ASB1: variants seen among roughly 807,000 people sequenced by gnomAD.
ASB1 encodes ankyrin repeat and SOCS box containing 1, also known as ankyrin repeat and SOCS box protein 1.
A neutral mutation model predicts 27.7 loss-of-function variants in ASB1; 18 were observed. The ratio of observed to expected loss-of-function variants is 0.65; its 90% CI spans 0.45 to 0.96. The LOEUF is 0.96. Ranked by LOEUF, ASB1 falls within the 50% of genes least tolerant of loss-of-function variation. ASB1 has a pLI of 0.00. For missense variants in ASB1, 397 were observed against 451.7 expected, an observed-to-expected ratio of 0.88 and a Z score of 1.10; for synonymous variants, 189 against 187.6, an observed-to-expected ratio of 1.01 and a Z score of -0.06.
intron 1 of ASB1, among the ~76,000 whole-genome samples, chr2:238,432,332 C>G (rs894634099): frequency 6.6e-6 from 1 of 152,204 alleles, no homozygotes; most frequent in African/African-American, 2.4e-5. Context: ...ATTATTGAAT[C>G]TTTTAATCCA....
intron 3 of ASB1, among the ~76,000 whole-genome samples, chr2:238,440,335 T>G (rs1702054884): frequency 6.6e-6 from 1 of 152,230 alleles, no homozygotes; most frequent in African/African-American, 2.4e-5. Context: ...CATTTCTGTT[T>G]ATATTTCTTT....
chr2:238,427,322 C>T (rs1407693290), intron 1 of ASB1: 8 of 380,280 alleles, frequency 2.1e-5, no homozygotes, highest in Admixed American at 1.4e-4. Context: ...GCTGCCCTCT[C>T]CTCGGCCTCG....
intron 1 of ASB1, among the ~76,000 whole-genome samples, chr2:238,432,992 C>T (rs577086651): frequency 1.2e-4 from 19 of 152,202 alleles, no homozygotes; most frequent in South Asian, 8.3e-4. Flanking sequence ...GTGATCTGCC[C>T]GCCTCGGCCT....
rs1702294546 is a variant in ASB1, at chr2:238,451,953, A to G, written c.*5442A>G. 1 of 152,208 alleles carries G rather than the reference A, an allele frequency of 6.6e-6. No homozygotes were observed. The highest frequency in any genetic ancestry group is 1.5e-5 in the Non-Finnish European group (1 of 68,026). The allele number at this position is 152,208 out of a possible 1,614,324, so 9.4% of individuals were successfully genotyped here. A position where few individuals can be genotyped will look rare whatever the true frequency, so the allele number is the denominator to read the frequency against. ...CTTGGGGCTCCAGGGACGTACCCCAAATGTTGCCCAGGTTGAAACTCCCTG... is the reference window on the plus strand; with the variant it reads ...CTTGGGGCTCCAGGGACGTACCCCAGATGTTGCCCAGGTTGAAACTCCCTG... On this transcript the variant is annotated 3_prime_UTR_variant, in exon 5 of 5. Coordinates refer to ENST00000264607, the MANE Select transcript of ASB1 (RefSeq NM_001040445.3).
intron 4 of ASB1, among the ~76,000 whole-genome samples, chr2:238,445,461 A>G (rs1702162323): frequency 6.6e-6 from 1 of 152,180 alleles, no homozygotes; most frequent in Non-Finnish European, 1.5e-5. Flanking sequence ...ATTGTGTGAT[A>G]AGCCTAAATT....
rs1702256025 is a variant in ASB1, at chr2:238,450,198, C to A, written c.*3687C>A. 1 of 152,268 alleles carries A rather than the reference C, an allele frequency of 6.6e-6. No individual in the cohort carries two copies. Among genetic ancestry groups the A allele is most frequent in the Non-Finnish European group, 1.5e-5 (1 of 68,104 alleles). The allele number at this position is 152,268 out of a possible 1,614,324, so 9.4% of individuals were successfully genotyped here. On this transcript the variant is annotated 3_prime_UTR_variant, in exon 5 of 5. Transcript: ENST00000264607. ...GGGAGATCCGGGCTGGACTGTGGAC[C>A]CCGATGGGCCAGAGTCCTTGTGGCC...
Position 238,446,631 on chromosome 2 carries a change from C to CTCG in ASB1, c.*122_*124dup, listed in dbSNP as rs1702186401. 1.5e-6 allele frequency: 2 copies of CTCG among 1,328,188 alleles called. No homozygotes were observed. Among genetic ancestry groups the CTCG allele is most frequent in the Non-Finnish European group, 2.1e-6 (2 of 938,964 alleles). 82.3% of individuals were successfully genotyped at this position (1,328,188 alleles called of 1,614,324 possible). The stretch of plus-strand genomic sequence containing the variant: ...GATGGCTGTTGCTGCAGAAGATGTC[C>CTCG]TCGTAGACTGTCATTGCTCCTCAGG... On this transcript the variant is annotated 3_prime_UTR_variant, in exon 5 of 5. Transcript: ENST00000264607.
In ASB1 at chr2:238,433,713, G is replaced by A; in HGVS notation, c.191+18G>A. On this transcript the variant is annotated intron_variant, in intron 2 of 4. Coordinates refer to ENST00000264607, the MANE Select transcript of ASB1 (RefSeq NM_001040445.3). ...TACCGGAGGTGAGCGGCGCTGCCCAGGGCTGGTCCGGGTACTAGGGCCCTG... is the reference window on the plus strand; with the variant it reads ...TACCGGAGGTGAGCGGCGCTGCCCAAGGCTGGTCCGGGTACTAGGGCCCTG... 6.2e-7 allele frequency: 1 copy of A among 1,612,954 alleles called. No individual in the cohort carries two copies. Among genetic ancestry groups the A allele is most frequent in the East Asian group, 2.2e-5 (1 of 44,858 alleles).
At position 238,447,044 on chromosome 2, in the gene ASB1, A is replaced by T. The variant is rs1242846811; in HGVS notation, c.*533A>T. 6.2e-6 allele frequency: 1 copy of T among 160,248 alleles called. No individual in the cohort carries two copies. The highest frequency in any genetic ancestry group is 1.4e-5 in the Non-Finnish European group (1 of 72,486). The allele number at this position is 160,248 out of a possible 1,614,324, so 9.9% of individuals were successfully genotyped here. On this transcript the variant is annotated 3_prime_UTR_variant, in exon 5 of 5. Transcript: ENST00000264607. ...ATACACGCCCCTTCCTTGCCCCTTC[A>T]GTATTCTCTCTTTGCGATGGAGGTC...
At chr2:238,439,840 G>A (rs1208075791) in intron 3 of ASB1, among the ~76,000 whole-genome samples, 2 of 152,118 alleles carry the variant, frequency 1.3e-5, no homozygotes, top group African/African-American at 2.4e-5. Flanking sequence ...TTTCGCTCCC[G>A]TAAAGCTATT....
In ASB1 at chr2:238,447,764, T is replaced by G. The variant is rs1355930257; in HGVS notation, c.*1253T>G. 1 of 152,244 alleles carries G rather than the reference T, an allele frequency of 6.6e-6. No homozygotes were observed. Among genetic ancestry groups the G allele is most frequent in the Non-Finnish European group, 1.5e-5 (1 of 68,036 alleles). The allele number at this position is 152,244 out of a possible 1,614,324, so 9.4% of individuals were successfully genotyped here. On this transcript the variant is annotated 3_prime_UTR_variant, in exon 5 of 5. Coordinates refer to ENST00000264607, the MANE Select transcript of ASB1 (RefSeq NM_001040445.3). ...GCAGATTTCAAATCTGTGTTTGATT[T>G]TCTGTAATAAGAGAAATCCAATTTG... is the stretch of plus-strand genomic sequence containing the variant.
At chr2:238,440,160 C>T (rs527894944) in intron 3 of ASB1, among the ~76,000 whole-genome samples, 1 of 152,286 alleles carries the variant, frequency 6.6e-6, no homozygotes, top group East Asian at 1.9e-4. Flanking sequence ...ACTTTGACTG[C>T]CTCAGTCCTG....
chr2:238,431,795 T>G lies in ASB1; in HGVS notation c.50-1759T>G, dbSNP rs372153478. ...TGGAGCAGTCAGAACACAGACCACG[T>G]TGATGGATTAAGTTCATTGTCTCAT... On this transcript the variant is annotated intron_variant, in intron 1 of 4. Coordinates refer to ENST00000264607, the MANE Select transcript of ASB1 (RefSeq NM_001040445.3). Among the ~76,000 whole-genome samples, 12 of 152,202 alleles carry G rather than the reference T, an allele frequency of 7.9e-5. No homozygotes were observed. In the East Asian group the frequency reaches 1.7e-3, roughly 22 times the overall value.
intron 3 of ASB1, among the ~76,000 whole-genome samples, chr2:238,437,555 C>T (rs558553): frequency 0.8 from 120,508 of 151,580 alleles, 48,202 homozygotes; most frequent in African/African-American, 0.87. Flanking sequence ...ATCATACTAA[C>T]GGTTGCCTTT....
intron 2 of ASB1, among the ~76,000 whole-genome samples, chr2:238,434,029 G>C (rs1701920978): frequency 6.6e-6 from 1 of 152,176 alleles, no homozygotes; most frequent in African/African-American, 2.4e-5. Flanking sequence ...GCCCCATCTT[G>C]GGTTTCTCGT....
chr2:238,430,333 G>A (rs1000726589), intron 1 of ASB1, among the ~76,000 whole-genome samples: 41 of 152,196 alleles, frequency 2.7e-4, no homozygotes, highest in South Asian at 2.1e-4. Flanking sequence ...AGTGTCCACA[G>A]CATCTTCACC....
In ASB1 at chr2:238,450,087, T is replaced by C. The variant is rs1332915351; in HGVS notation, c.*3576T>C. The C allele has an allele frequency of 6.6e-6, 1 of 152,316 alleles. No individual in the cohort carries two copies. Among genetic ancestry groups the C allele is most frequent in the Non-Finnish European group, 1.5e-5 (1 of 68,094 alleles). The allele number at this position is 152,316 out of a possible 1,614,324, so 9.4% of individuals were successfully genotyped here. ...GTTACGCAAGCAGTCTCCATGTGTG[T>C]GTAAACTGCTGTCCTGGTGACTTGT... On this transcript the variant is annotated 3_prime_UTR_variant, in exon 5 of 5. Transcript: ENST00000264607.
chr2:238,438,017 C>G (rs1702004858), intron 3 of ASB1, among the ~76,000 whole-genome samples: 2 of 152,090 alleles, frequency 1.3e-5, no homozygotes, highest in African/African-American at 4.8e-5. Flanking sequence ...CTACTTCAGT[C>G]CCTTGTCTTT....
intron 3 of ASB1, 93 bp from the exon 4 acceptor site, chr2:238,444,249 G>C (rs983148880): frequency 6.9e-7 from 1 of 1,441,084 alleles, no homozygotes; most frequent in African/African-American, 1.4e-5. Context: ...AAGGCCTTCT[G>C]CTCAGGGTGG....
Sources: gnomAD v4.1 joint callset for allele counts (sites outside exome capture counted in the v4.1 genomes callset) on GRCh38, gnomAD v4.1.1 for gene constraint, MANE v1.5 for transcripts, NCBI Gene and HGNC (gene_info 2026-07-23, HGNC 2026-07-21) for gene names.